The following NECTIN3 variants were observed in gnomAD, a reference collection of about 807,000 sequenced individuals.
The protein encoded by NECTIN3 is nectin-3.
In NECTIN3, 8 loss-of-function variants were observed where a neutral mutation model predicts 49.4. The ratio of observed to expected loss-of-function variants is 0.16; its 90% CI spans 0.10 to 0.29. The LOEUF (loss-of-function observed/expected upper bound fraction) is 0.29, where lower values mean the gene tolerates loss of function less well. Among genes scored for constraint, NECTIN3 ranks in the 10% least tolerant of loss-of-function variants. The pLI is 1.00. For missense variants in NECTIN3, 581 were observed against 654.6 expected (o/e 0.89, Z 1.23); for synonymous variants, 277 against 241.1 (o/e 1.15, Z -1.38).
At chr3:111,119,316 C>T (rs1247409734) in intron 3 of NECTIN3, among the ~76,000 whole-genome samples, 1 of 152,104 alleles carries the variant, frequency 6.6e-6, no homozygotes, top group South Asian at 2.1e-4. Context: ...CATCTTGTTT[C>T]CTTGTTGTTG....
At chr3:111,110,290 G>A (rs1360703081) in intron 1 of NECTIN3, among the ~76,000 whole-genome samples, 1 of 151,646 alleles carries the variant, frequency 6.6e-6, no homozygotes, top group East Asian at 1.9e-4. Flanking sequence ...TCTGTTTAGT[G>A]TTGATAATGG....
At chr3:111,079,513 C>G (rs1185925685) in intron 1 of NECTIN3, among the ~76,000 whole-genome samples, 1 of 151,686 alleles carries the variant, frequency 6.6e-6, no homozygotes, top group Non-Finnish European at 1.5e-5. Context: ...TTTTTAAAAC[C>G]TGCTTAGAGA....
intron 7 of NECTIN3, among the ~76,000 whole-genome samples, chr3:111,168,927 A>G (rs763916627): frequency 3.3e-5 from 5 of 152,142 alleles, no homozygotes; most frequent in Non-Finnish European, 7.4e-5. Flanking sequence ...TCTAAATTCT[A>G]TAGTCCTCCC....
intron 1 of NECTIN3, among the ~76,000 whole-genome samples, chr3:111,084,513 T>A (rs1278397707): frequency 1.3e-5 from 2 of 152,154 alleles, no homozygotes; most frequent in Admixed American, 1.3e-4. Flanking sequence ...TGGGAACCAC[T>A]TGTGTTTATG....
chr3:111,074,721 C>T lies in NECTIN3; in HGVS notation c.160+2544C>T, dbSNP rs550766654. 3.6e-4 allele frequency among the ~76,000 whole-genome samples: 54 copies of T among 151,786 alleles called. 2 individuals carry two copies. The South Asian group carries it at 0.011, about 32-fold the overall frequency. ...GCCAGATTTTTTTTTTGTTTTTAAG[C>T]CTAAGAGATTCCTAGGTATAAGTGT... is the stretch of plus-strand genomic sequence containing the variant. On this transcript the variant is annotated intron_variant, in intron 1 of 5. Transcript: ENST00000485303.
chr3:111,104,507 A>G (rs2033080233), intron 1 of NECTIN3, among the ~76,000 whole-genome samples: 2 of 151,676 alleles, frequency 1.3e-5, no homozygotes, highest in African/African-American at 4.8e-5. Context: ...TTTCGTAGAG[A>G]TGGGTTCTCA....
In NECTIN3 at chr3:111,134,870, CAG is replaced by C. The variant is rs2034522933; in HGVS notation, c.*656_*657del. The stretch of plus-strand genomic sequence containing the variant: ...TGCACTAAAACTGTGGTAGTAAACT[CAG>C]TGAACATGATGTGTGGAAGAGCATA... On this transcript the variant is annotated 3_prime_UTR_variant, in exon 6 of 6. Coordinates refer to ENST00000485303, the MANE Select transcript of NECTIN3 (RefSeq NM_015480.3). 1.0e-6 allele frequency: 1 copy of C among 983,098 alleles called. No homozygotes were observed. Among genetic ancestry groups the C allele is most frequent in the South Asian group, 4.7e-5 (1 of 21,252 alleles). 60.9% of individuals were successfully genotyped at this position (983,098 alleles called of 1,614,324 possible).
downstream of NECTIN3, among the ~76,000 whole-genome samples, chr3:111,140,957 A>G (rs2034730076): frequency 6.6e-6 from 1 of 151,922 alleles, no homozygotes; most frequent in South Asian, 2.1e-4. Flanking sequence ...CCTGGATGAC[A>G]TATATTTCAT....
At chr3:111,103,655 A>G (rs1274726800) in intron 1 of NECTIN3, among the ~76,000 whole-genome samples, 1 of 152,008 alleles carries the variant, frequency 6.6e-6, no homozygotes, top group Non-Finnish European at 1.5e-5. Flanking sequence ...TTCTGGTCTT[A>G]TTACTTTAGT....
chr3:111,112,498 T>C (rs1474099747), intron 2 of NECTIN3, 127 bp downstream of exon 2: 2 of 657,882 alleles, frequency 3.0e-6, no homozygotes, highest in Non-Finnish European at 4.9e-6. Flanking sequence ...TCAAATACGA[T>C]TTTTCAAGAT....
intron 2 of NECTIN3, among the ~76,000 whole-genome samples, chr3:111,118,248 C>CTATA (rs34878535): frequency 0.1 from 7,902 of 77,714 alleles, 541 homozygotes; most frequent in East Asian, 0.14. Context: ...TAAAATGAAG[C>CTATA]TATATATATA....
intron 1 of NECTIN3, among the ~76,000 whole-genome samples, chr3:111,102,635 A>AT (rs1373623578): frequency 6.6e-6 from 1 of 152,196 alleles, no homozygotes; most frequent in Non-Finnish European, 1.5e-5. Flanking sequence ...TCAGAGCAGA[A>AT]ATTTTTAATT....
Position 111,134,295 on chromosome 3 carries a change from T to C in NECTIN3, c.*80T>C. ...TTTTCAGATTGTTCATACTTTTTCT[T>C]GAGGAAGAATAAGCTTTTTCAAGTT... On this transcript the variant is annotated 3_prime_UTR_variant, in exon 6 of 6. Transcript: ENST00000485303. 6.7e-7 allele frequency: 1 copy of C among 1,485,044 alleles called. No homozygotes were observed. Among genetic ancestry groups the C allele is most frequent in the Non-Finnish European group, 8.9e-7 (1 of 1,121,754 alleles). The allele number at this position is 1,485,044 out of a possible 1,614,324, so 92.0% of individuals were successfully genotyped here.
At chr3:111,138,691 G>T (rs1476075794), downstream of NECTIN3, among the ~76,000 whole-genome samples, 1 of 151,574 alleles carries the variant, frequency 6.6e-6, no homozygotes, top group African/African-American at 2.4e-5. Flanking sequence ...AATAGCTGCT[G>T]TTTTTTCTGG....
chr3:111,083,368 A>G lies in NECTIN3; in HGVS notation c.160+11191A>G, dbSNP rs548459832. On this transcript the variant is annotated intron_variant, in intron 1 of 5. Transcript: ENST00000485303. ...CCTCAATGTGATGGTGTTAGGGGGCATAGGGCCTTTGGGAAGTAATTAGGT... is the reference window on the plus strand; with the variant it reads ...CCTCAATGTGATGGTGTTAGGGGGCGTAGGGCCTTTGGGAAGTAATTAGGT... 3.0e-4 allele frequency among the ~76,000 whole-genome samples: 45 copies of G among 152,308 alleles called. 1 individual carries two copies. In the South Asian group the frequency reaches 8.9e-3, roughly 30 times the overall value.
At chr3:111,168,532 C>A (rs1349117591) in intron 7 of NECTIN3, among the ~76,000 whole-genome samples, 2 of 152,020 alleles carry the variant, frequency 1.3e-5, no homozygotes, top group East Asian at 3.9e-4. Context: ...TACAGTAGGA[C>A]AGGGATTTTT....
rs1315788453 is a variant in NECTIN3, at chr3:111,135,331, G to A, written c.*1116G>A. On this transcript the variant is annotated 3_prime_UTR_variant, in exon 6 of 6. Coordinates refer to ENST00000485303, the MANE Select transcript of NECTIN3 (RefSeq NM_015480.3). The stretch of plus-strand genomic sequence containing the variant: ...ATTCATCTCCTTTTTCCTCCTAAGT[G>A]TATGTATGTGTTTTAAGATTTCTGT... 2 of 944,368 alleles carry A rather than the reference G, an allele frequency of 2.1e-6. No individual in the cohort carries two copies. The highest frequency in any genetic ancestry group is 6.2e-5 in the Admixed American group (1 of 16,118). The allele number at this position is 944,368 out of a possible 1,614,324, so 58.5% of individuals were successfully genotyped here. A position where few individuals can be genotyped will look rare whatever the true frequency, so the allele number is the denominator to read the frequency against.
chr3:111,163,698 T>C (rs1409038268), intron 7 of NECTIN3, among the ~76,000 whole-genome samples: 1 of 152,200 alleles, frequency 6.6e-6, no homozygotes, highest in East Asian at 1.9e-4. Flanking sequence ...ATTTTAATGC[T>C]AATAGGAAAG....
downstream of NECTIN3, among the ~76,000 whole-genome samples, chr3:111,141,487 T>G (rs2034744143): frequency 6.6e-6 from 1 of 151,980 alleles, no homozygotes; most frequent in African/African-American, 2.4e-5. Context: ...TTTATAATAT[T>G]TTTGTACTTT....
Sources: allele counts gnomAD v4.1 joint callset (sites outside exome capture counted in the v4.1 genomes callset), GRCh38; gene constraint gnomAD v4.1.1; transcripts MANE v1.5; gene names NCBI Gene and HGNC (gene_info 2026-07-23, HGNC 2026-07-21).